SYCP1: variants seen among roughly 807,000 people sequenced by gnomAD.
SYCP1 encodes synaptonemal complex protein 1.
A neutral mutation model predicts 153.1 loss-of-function variants in SYCP1; 64 were observed. That is an observed-to-expected ratio of 0.42 (90% CI 0.34 to 0.51). The LOEUF is 0.51. Ranked by LOEUF, SYCP1 falls within the 20% of genes least tolerant of loss-of-function variation. The pLI is 0.06. For synonymous variants in SYCP1, 384 were observed against 341.8 expected (o/e 1.12, Z -1.36); for missense variants, 997 against 1,049.0 (o/e 0.95, Z 0.68).
chr1:114,864,129 T>TAA (rs766421366), intron 8 of SYCP1, among the ~76,000 whole-genome samples: 1 of 140,578 alleles, frequency 7.1e-6, no homozygotes, highest in Non-Finnish European at 1.6e-5. Context: ...TCCCAGAACT[T>TAA]AAAAAAAAAA....
At chr1:114,966,575 T>C (rs1672141910) in intron 27 of SYCP1, among the ~76,000 whole-genome samples, 1 of 152,188 alleles carries the variant, frequency 6.6e-6, no homozygotes, top group Non-Finnish European at 1.5e-5. Context: ...AAAGAACTTA[T>C]TTAGTTCCAC....
intron 16 of SYCP1, among the ~76,000 whole-genome samples, chr1:114,901,623 G>C (rs1198949003): frequency 6.6e-6 from 1 of 152,142 alleles, no homozygotes; most frequent in Non-Finnish European, 1.5e-5. Context: ...TGTGGTTACA[G>C]GTCTTGCTCC....
At chr1:114,882,520 T>C (rs1490565551) in intron 12 of SYCP1, among the ~76,000 whole-genome samples, 1 of 152,168 alleles carries the variant, frequency 6.6e-6, no homozygotes, top group Admixed American at 6.5e-5. Context: ...TTGTCTTTTC[T>C]TTAAATATAC....
At chr1:114,935,164 A>T (rs1021169858) in intron 23 of SYCP1, among the ~76,000 whole-genome samples, 1 of 152,100 alleles carries the variant, frequency 6.6e-6, no homozygotes, top group East Asian at 1.9e-4. Context: ...GAAGTAAAGC[A>T]CTCCTCAGCA....
chr1:114,936,511 C>G (rs925043979), intron 23 of SYCP1, among the ~76,000 whole-genome samples: 1 of 152,164 alleles, frequency 6.6e-6, no homozygotes, highest in African/African-American at 2.4e-5. Flanking sequence ...GATGCCCTCT[C>G]TCACCACTCC....
At chr1:114,896,937 T>C (rs1398487852) in intron 16 of SYCP1, among the ~76,000 whole-genome samples, 4 of 152,010 alleles carry the variant, frequency 2.6e-5, no homozygotes, top group African/African-American at 9.7e-5. Context: ...AAAGTGAGAG[T>C]GCTGCTAGCA....
chr1:114,856,449 A>T, intron 2 of SYCP1, 124 bp from the exon 3 acceptor site: 2 of 565,376 alleles, frequency 3.5e-6, no homozygotes, highest in Non-Finnish European at 3.0e-6. Flanking sequence ...CTGTATGTAC[A>T]TTAAAGGATT....
intron 19 of SYCP1, 53 bp downstream of exon 19, chr1:114,913,203 T>G: frequency 7.1e-7 from 1 of 1,405,388 alleles, no homozygotes; most frequent in Non-Finnish European, 1.0e-6. Context: ...ATTAGCAGGT[T>G]AGAATAGATG....
At chr1:114,890,168 C>A (rs1424801629) in intron 15 of SYCP1, among the ~76,000 whole-genome samples, 2 of 151,848 alleles carry the variant, frequency 1.3e-5, no homozygotes, top group Admixed American at 1.3e-4. Flanking sequence ...AAGTAACATA[C>A]CATCCTTTTG....
At chr1:114,947,456 T>C (rs1670784399) in intron 27 of SYCP1, 136 bp downstream of exon 27, 2 of 623,414 alleles carry the variant, frequency 3.2e-6, no homozygotes, top group Non-Finnish European at 5.4e-6. Flanking sequence ...CCCCAGAAGC[T>C]TTTTTCTAGA....
intron 23 of SYCP1, among the ~76,000 whole-genome samples, chr1:114,930,650 A>T (rs1471347000): frequency 6.6e-6 from 1 of 151,952 alleles, no homozygotes; most frequent in Non-Finnish European, 1.5e-5. Flanking sequence ...GATCTGGATG[A>T]TTTCACTGGT....
rs1324687792 is a variant in SYCP1 at position 114,944,924 on chromosome 1, T to C, written c.2096T>C (p.Ile699Thr). 5.0e-6 allele frequency: 8 copies of C among 1,605,384 alleles called. No homozygotes were observed. Among genetic ancestry groups the C allele is most frequent in the Middle Eastern group, 1.7e-4 (1 of 6,006 alleles). Residue 699 changes from isoleucine (I) to threonine (T), a missense_variant, in exon 25 of 32, where the codon ATT becomes ACT. By Grantham distance (89) the Ile-to-Thr change is moderately conservative. Transcript: ENST00000369522. ...GAAGCAGTAAAATTACAGAAAGAAA[T>C]TGATAAGCGATGTCAACATAAAATA... Reference protein sequence around the residue: ...ADEAVKLQKEIDKRCQHKIAE... With the variant: ...ADEAVKLQKETDKRCQHKIAE...
chr1:114,855,254 G>C (rs1663855056), intron 1 of SYCP1, 187 bp from the exon 2 acceptor site: 1 of 314,884 alleles, frequency 3.2e-6, no homozygotes, highest in Non-Finnish European at 5.8e-6. Context: ...AGAAGGAAAC[G>C]AGGGTTTATT....
intron 8 of SYCP1, among the ~76,000 whole-genome samples, chr1:114,868,264 C>T (rs922639533): frequency 6.6e-6 from 1 of 151,878 alleles, no homozygotes; most frequent in African/African-American, 2.4e-5. Context: ...TCAGCCTCCT[C>T]AGTGGCTGAG....
intron 24 of SYCP1, 29 bp from the exon 25 acceptor site, chr1:114,944,843 G>T: frequency 6.8e-7 from 1 of 1,469,324 alleles, no homozygotes; most frequent in Non-Finnish European, 9.2e-7. Flanking sequence ...TTTATTTTAA[G>T]AAACTTTTTT....
chr1:114,856,531 T>C, intron 2 of SYCP1, 42 bp from the exon 3 acceptor site: 1 of 1,372,628 alleles, frequency 7.3e-7, no homozygotes, highest in Non-Finnish European at 1.0e-6. Context: ...TATATCAGAG[T>C]GGTATGAAAC....
At chr1:114,951,669 T>C (rs1451949910) in intron 27 of SYCP1, among the ~76,000 whole-genome samples, 1 of 152,050 alleles carries the variant, frequency 6.6e-6, no homozygotes, top group East Asian at 1.9e-4. Flanking sequence ...TTATTAAGTT[T>C]CCCCCCATGG....
intron 12 of SYCP1, among the ~76,000 whole-genome samples, 176 bp from the exon 13 acceptor site, chr1:114,885,359 G>A (rs139381465): frequency 1.3e-3 from 195 of 152,174 alleles, no homozygotes; most frequent in African/African-American, 4.4e-3. Flanking sequence ...TAACAATCTT[G>A]AAAAGTCAAT....
chr1:114,933,209 C>A (rs183881173), intron 23 of SYCP1, among the ~76,000 whole-genome samples: 1 of 152,142 alleles, frequency 6.6e-6, no homozygotes, highest in African/African-American at 2.4e-5. Context: ...TCCAGAGGAA[C>A]GATCAGGCAG....
Sources: gnomAD v4.1 joint callset for allele counts (sites outside exome capture counted in the v4.1 genomes callset) on GRCh38, gnomAD v4.1.1 for gene constraint, MANE v1.5 for transcripts, NCBI Gene and HGNC (gene_info 2026-07-23, HGNC 2026-07-21) for gene names.